CADM2: variants seen among roughly 807,000 people sequenced by gnomAD.
CADM2 encodes the protein cell adhesion molecule 2, also known as immunoglobulin superfamily member 4D.
A neutral mutation model predicts 49.8 loss-of-function variants in CADM2; 12 were observed. That is an observed-to-expected ratio of 0.24 (90% confidence interval 0.15 to 0.39). The LOEUF (loss-of-function observed/expected upper bound fraction) is 0.39, where lower values mean the gene tolerates loss of function less well. Ranked by LOEUF, CADM2 falls within the 10% of genes least tolerant of loss-of-function variation. The probability of loss-of-function intolerance (pLI) is 1.00; values close to 1 mark genes in which losing one functional copy is unlikely to be tolerated. For synonymous variants in CADM2, 214 were observed against 175.4 expected (o/e 1.22, Z -1.74); for missense variants, 378 against 492.3 (o/e 0.77, Z 2.20).
At position 85,912,515 on chromosome 3, in the gene CADM2, G is replaced by A. The variant is rs777931263; in HGVS notation, c.672G>A (p.Gln224=). 1 of 1,613,742 alleles carries A rather than the reference G, an allele frequency of 6.2e-7. No individual in the cohort carries two copies. Among genetic ancestry groups the A allele is most frequent in the Non-Finnish European group, 8.5e-7 (1 of 1,179,820 alleles). ...ACGAATCCCTCAATGCCACCCCTCA[G>A]GTAGCCATGCAGGTGCTAGAAATAC... The part of the protein sequence containing the change: ...VDHESLNATP[Q]VAMQVLEIHY... Residue 224 remains glutamine (Q), a synonymous_variant, in exon 6 of 10, where the codon CAG becomes CAA. Coordinates refer to ENST00000383699, the MANE Select transcript of CADM2 (RefSeq NM_001167675.2).
chr3:85,121,603 C>A (rs576208126), intron 1 of CADM2, among the ~76,000 whole-genome samples: 49 of 152,178 alleles, frequency 3.2e-4, no homozygotes, highest in Middle Eastern at 3.4e-3. Flanking sequence ...ATGCAAAGGA[C>A]AAGAGATACA....
chr3:85,540,584 G>A (rs2107030453), intron 1 of CADM2, among the ~76,000 whole-genome samples: 1 of 152,222 alleles, frequency 6.6e-6, no homozygotes, highest in African/African-American at 2.4e-5. Context: ...TGGTTTCAGA[G>A]TCCTCCTCTG....
At chr3:85,469,782 C>T (rs1231894449) in intron 1 of CADM2, among the ~76,000 whole-genome samples, 1 of 152,142 alleles carries the variant, frequency 6.6e-6, no homozygotes, top group Non-Finnish European at 1.5e-5. Flanking sequence ...AGTATGTTAA[C>T]TCCAAGTGTT....
intron 1 of CADM2, among the ~76,000 whole-genome samples, chr3:85,725,806 A>G (rs2067676778): frequency 6.6e-6 from 1 of 152,028 alleles, no homozygotes; most frequent in African/African-American, 2.4e-5. Context: ...AGTTTAGTGA[A>G]TCATATAATT....
At chr3:85,526,247 A>G (rs1423247791) in intron 1 of CADM2, among the ~76,000 whole-genome samples, 2 of 152,060 alleles carry the variant, frequency 1.3e-5, no homozygotes, top group African/African-American at 4.8e-5. Context: ...CATTTCATAT[A>G]TTTTGTTTGT....
At chr3:85,119,418 A>C (rs2038769596) in intron 1 of CADM2, among the ~76,000 whole-genome samples, 1 of 152,126 alleles carries the variant, frequency 6.6e-6, no homozygotes, top group Admixed American at 6.6e-5. Flanking sequence ...TATAGTTTAA[A>C]GTCAGGTAGT....
intron 6 of CADM2, among the ~76,000 whole-genome samples, chr3:85,921,248 A>T (rs1719062408): frequency 6.6e-6 from 1 of 152,040 alleles, no homozygotes; most frequent in Admixed American, 6.6e-5. Context: ...AAAAATGAGT[A>T]GATATTTAAT....
In CADM2 at chr3:85,038,217, C is replaced by T. The variant is rs9833408; in HGVS notation, c.61+78549C>T. Among the ~76,000 whole-genome samples, 306 of 152,246 alleles carry T rather than the reference C, an allele frequency of 2.0e-3. 2 individuals carry two copies. Among genetic ancestry groups the T allele is most frequent in the African/African-American group, 6.8e-3 (281 of 41,556 alleles). ...AGCAGCAAAAAGAGCAGCGTATGATCATCATTTTGTGAGACCTGAGGCAAA... is the reference window on the plus strand; with the variant it reads ...AGCAGCAAAAAGAGCAGCGTATGATTATCATTTTGTGAGACCTGAGGCAAA... On this transcript the variant is annotated intron_variant, in intron 1 of 9. Transcript: ENST00000383699.
intron 1 of CADM2, among the ~76,000 whole-genome samples, chr3:85,367,457 G>A (rs955146437): frequency 4.0e-5 from 6 of 151,430 alleles, no homozygotes; most frequent in Admixed American, 2.0e-4. Context: ...TGCAATTGCC[G>A]TTCACTGCTT....
chr3:85,211,459 G>T (rs1172806233), intron 1 of CADM2, among the ~76,000 whole-genome samples: 2 of 151,878 alleles, frequency 1.3e-5, no homozygotes, highest in African/African-American at 4.8e-5. Flanking sequence ...TGGTTTTGTT[G>T]TATTTTATAG....
chr3:85,787,861 T>C (rs1332554366), intron 2 of CADM2, among the ~76,000 whole-genome samples: 1 of 152,120 alleles, frequency 6.6e-6, no homozygotes, highest in Non-Finnish European at 1.5e-5. Context: ...GGCTATACCA[T>C]TGTTGTCTGT....
intron 1 of CADM2, among the ~76,000 whole-genome samples, chr3:85,347,596 TAC>T (rs386397242): frequency 1.4e-5 from 2 of 140,176 alleles, no homozygotes; most frequent in East Asian, 2.0e-4. Flanking sequence ...TACATATATA[TAC>T]ATATATATAA....
At chr3:85,132,721 A>C (rs930922257) in intron 1 of CADM2, among the ~76,000 whole-genome samples, 1 of 152,160 alleles carries the variant, frequency 6.6e-6, no homozygotes, top group South Asian at 2.1e-4. Context: ...TCATTTAGAC[A>C]TGTTCTGTCA....
At chr3:85,060,271 C>A (rs2036254891) in intron 1 of CADM2, among the ~76,000 whole-genome samples, 2 of 152,040 alleles carry the variant, frequency 1.3e-5, no homozygotes, top group Admixed American at 1.3e-4. Context: ...GGATTACAGG[C>A]GCCCACCACC....
intron 1 of CADM2, among the ~76,000 whole-genome samples, chr3:85,369,659 T>C (rs1412651698): frequency 6.6e-6 from 1 of 152,136 alleles, no homozygotes; most frequent in Non-Finnish European, 1.5e-5. Flanking sequence ...GTAGATCTTG[T>C]GAAAATGTAA....
intron 1 of CADM2, among the ~76,000 whole-genome samples, chr3:85,049,481 A>G (rs974496268): frequency 2.0e-5 from 3 of 151,510 alleles, no homozygotes; most frequent in African/African-American, 4.9e-5. Context: ...CTCCCGAGTA[A>G]CTGGGATTAC....
chr3:85,223,254 T>C (rs1235188764), intron 1 of CADM2, among the ~76,000 whole-genome samples: 1 of 152,194 alleles, frequency 6.6e-6, no homozygotes, highest in Non-Finnish European at 1.5e-5. Context: ...AAACAGGATG[T>C]ATGTTTTATA....
chr3:86,043,668 C>A (rs1285067580), intron 8 of CADM2, among the ~76,000 whole-genome samples: 3 of 152,098 alleles, frequency 2.0e-5, no homozygotes, highest in African/African-American at 7.2e-5. Flanking sequence ...GCCATCTCCA[C>A]CAAGCTACCA....
At chr3:85,004,747 A>G (rs1165143535) in intron 1 of CADM2, among the ~76,000 whole-genome samples, 1 of 152,158 alleles carries the variant, frequency 6.6e-6, no homozygotes, top group Non-Finnish European at 1.5e-5. Flanking sequence ...GATCTATCTC[A>G]TGAATATCAT....
Sources: allele counts gnomAD v4.1 joint callset (sites outside exome capture counted in the v4.1 genomes callset), GRCh38; gene constraint gnomAD v4.1.1; transcripts MANE v1.5; gene names NCBI Gene and HGNC (gene_info 2026-07-23, HGNC 2026-07-21).